The following UBIAD1 variants were observed in gnomAD, a reference collection of about 807,000 sequenced individuals.
UBIAD1 encodes UbiA prenyltransferase domain containing 1, also known as ubiA prenyltransferase domain-containing protein 1.
In UBIAD1, 12 loss-of-function variants were observed where a neutral mutation model predicts 20.1. The observed-to-expected ratio is 0.60, with a 90% CI of 0.38 to 0.97. The LOEUF (loss-of-function observed/expected upper bound fraction) is 0.97, where lower values mean the gene tolerates loss of function less well. Among genes scored for constraint, UBIAD1 ranks in the 50% least tolerant of loss-of-function variants. The pLI is 0.00. For synonymous variants in UBIAD1, 207 were observed against 189.2 expected (o/e 1.09, Z -0.77); for missense variants, 333 against 419.5 (o/e 0.79, Z 1.80).
chr1:11,292,598 C>T (rs1195143570), downstream of UBIAD1, among the ~76,000 whole-genome samples: 3 of 151,874 alleles, frequency 2.0e-5, no homozygotes, highest in Non-Finnish European at 4.4e-5. Flanking sequence ...TGATGTCAGA[C>T]TGTTGACTGT....
chr1:11,290,493 C>T (rs1206301828), downstream of UBIAD1, among the ~76,000 whole-genome samples: 1 of 152,230 alleles, frequency 6.6e-6, no homozygotes, highest in Non-Finnish European at 1.5e-5. Flanking sequence ...AGCACTACCA[C>T]TCTACCTATG....
downstream of UBIAD1, among the ~76,000 whole-genome samples, chr1:11,297,401 C>T (rs1638465551): frequency 6.6e-6 from 1 of 152,218 alleles, no homozygotes; most frequent in Admixed American, 6.5e-5. Flanking sequence ...TTGGACTTCT[C>T]AGCCCCCAGA....
downstream of UBIAD1, chr1:11,293,412 A>G (rs1457015120): frequency 3.9e-5 from 6 of 152,164 alleles, no homozygotes; most frequent in Non-Finnish European, 7.3e-5. Context: ...TTTATTGTCA[A>G]TTTCTCCCAG....
downstream of UBIAD1, among the ~76,000 whole-genome samples, chr1:11,291,863 T>A (rs923385268): frequency 6.6e-6 from 1 of 152,022 alleles, no homozygotes; most frequent in Non-Finnish European, 1.5e-5. Context: ...GAAGGCTGTC[T>A]TCGGGAAGAC....
At chr1:11,298,233 C>T (rs1228527872), downstream of UBIAD1, among the ~76,000 whole-genome samples, 2 of 151,980 alleles carry the variant, frequency 1.3e-5, no homozygotes, top group South Asian at 2.1e-4. This position sits in a 1 kb window ranked among gnomAD's most constrained non-coding sequence, Gnocchi z 4.0. Flanking sequence ...GTTGGGATTA[C>T]AGGCATGAGC....
At chr1:11,284,736 T>C (rs1638222277) in intron 1 of UBIAD1, among the ~76,000 whole-genome samples, 1 of 152,162 alleles carries the variant, frequency 6.6e-6, no homozygotes, top group Non-Finnish European at 1.5e-5. Context: ...AGTGCTGGGA[T>C]TACAGGTGTG....
At chr1:11,281,336 T>C (rs1254561710) in intron 1 of UBIAD1, among the ~76,000 whole-genome samples, 1 of 152,132 alleles carries the variant, frequency 6.6e-6, no homozygotes, top group East Asian at 1.9e-4. Context: ...TAATGTGCCA[T>C]ATAAAGTACT....
intron 1 of UBIAD1, among the ~76,000 whole-genome samples, chr1:11,280,083 A>C (rs1638622230): frequency 6.6e-6 from 1 of 152,224 alleles, no homozygotes; most frequent in Admixed American, 6.5e-5. Context: ...GTGGTGGTGA[A>C]GGGAAGAGGC....
Position 11,273,730 on chromosome 1 carries a change from C to T in UBIAD1, c.199C>T (p.Leu67=). The change falls in exon 1 of 2, where the codon CTG becomes TTG. Residue 67 remains leucine (L), a synonymous_variant. Transcript: ENST00000376810. This position sits in a 1 kb window ranked among gnomAD's most constrained non-coding sequence, Gnocchi z 4.9. The stretch of plus-strand genomic sequence containing the variant: ...CAGTGCCTCACTCACACCGGTGGCC[C>T]TGGGCAGTGCCCTTGCCTACAGATC... ...SFSASLTPVA[L]GSALAYRSHG... The T allele has an allele frequency of 1.2e-6, 2 of 1,614,148 alleles. No individual in the cohort carries two copies. Among genetic ancestry groups the T allele is most frequent in the Non-Finnish European group, 1.7e-6 (2 of 1,180,026 alleles).
chr1:11,283,611 A>G (rs1018714351), intron 1 of UBIAD1, among the ~76,000 whole-genome samples: 8 of 152,082 alleles, frequency 5.3e-5, no homozygotes, highest in South Asian at 2.1e-4. Flanking sequence ...GCCATGCCTT[A>G]ATGCCCTTCC....
chr1:11,282,629 C>G (rs961896314), intron 1 of UBIAD1, among the ~76,000 whole-genome samples: 1 of 149,784 alleles, frequency 6.7e-6, no homozygotes, highest in South Asian at 2.1e-4. Context: ...AATGGTGCGA[C>G]CTCTGCTCAC....
intron 1 of UBIAD1, among the ~76,000 whole-genome samples, chr1:11,283,609 T>C (rs1386476611): frequency 6.6e-6 from 1 of 152,100 alleles, no homozygotes; most frequent in African/African-American, 2.4e-5. Context: ...TGGCCATGCC[T>C]TAATGCCCTT....
At chr1:11,276,608 G>A (rs1431083515) in intron 1 of UBIAD1, among the ~76,000 whole-genome samples, 1 of 150,100 alleles carries the variant, frequency 6.7e-6, no homozygotes, top group Non-Finnish European at 1.5e-5. Context: ...AGGTTGCAGT[G>A]AGCTGAGATC....
downstream of UBIAD1, among the ~76,000 whole-genome samples, chr1:11,289,939 C>T (rs1457034646): frequency 6.6e-6 from 1 of 152,062 alleles, no homozygotes; most frequent in Non-Finnish European, 1.5e-5. Flanking sequence ...ACCATGTTGG[C>T]CAGGCTGGTC....
At position 11,286,491 on chromosome 1, in the gene UBIAD1, G is replaced by C; in HGVS notation, c.*360G>C. The C allele has an allele frequency of 5.9e-6, 2 of 339,632 alleles. No homozygotes were observed. The highest frequency in any genetic ancestry group is 2.6e-5 in the South Asian group (1 of 38,868). The allele number at this position is 339,632 out of a possible 1,614,324, so 21.0% of individuals were successfully genotyped here. A position where few individuals can be genotyped will look rare whatever the true frequency, so the allele number is the denominator to read the frequency against. On this transcript the variant is annotated 3_prime_UTR_variant, in exon 2 of 2. Coordinates refer to ENST00000376810, the MANE Select transcript of UBIAD1 (RefSeq NM_013319.3). The stretch of plus-strand genomic sequence containing the variant: ...CCAGACTTTGTAAAGGAGCTGCCCA[G>C]TTTGGCCTCCTGTCCCGAAAAGACC...
chr1:11,290,303 G>T (rs910239285), downstream of UBIAD1, among the ~76,000 whole-genome samples: 4 of 152,220 alleles, frequency 2.6e-5, no homozygotes, highest in African/African-American at 7.2e-5. Context: ...CAGAGCCAGG[G>T]ATTTTTGCTT....
rs754534104 is a variant in UBIAD1 at position 11,286,129 on chromosome 1, T to A, written c.1015T>A (p.Ter339LysextTer4). Residue 339 changes from the stop codon to lysine, a stop_lost, in exon 2 of 2, where the codon TAA (stop) becomes AAA (lysine). Transcript: ENST00000376810. ...ACCAGCAGGCAGTCTGCCCAAAATT[T>A]AAGGGGACAAGTAGCTCCCCCCACG... The part of the protein sequence containing the change: ...LAPAGSLPKI[*>K] 23 of 1,614,068 alleles carry A rather than the reference T, an allele frequency of 1.4e-5. No individual in the cohort carries two copies. Among genetic ancestry groups the A allele is most frequent in the Non-Finnish European group, 1.9e-5 (22 of 1,180,036 alleles).
chr1:11,276,272 G>A (rs1289917933), intron 1 of UBIAD1, among the ~76,000 whole-genome samples: 3 of 150,480 alleles, frequency 2.0e-5, no homozygotes, highest in African/African-American at 7.5e-5. Context: ...AGGGTTTGCT[G>A]ATGGATTGGA....
At chr1:11,282,170 T>G (rs1652261705) in intron 1 of UBIAD1, among the ~76,000 whole-genome samples, 1 of 152,180 alleles carries the variant, frequency 6.6e-6, no homozygotes, top group Admixed American at 6.6e-5. Context: ...GCCAAACTGT[T>G]TTCTGAAGTG....
Sources: allele counts gnomAD v4.1 joint callset (sites outside exome capture counted in the v4.1 genomes callset), GRCh38; gene constraint gnomAD v4.1.1; non-coding constraint Gnocchi (gnomAD v3.1); transcripts MANE v1.5; gene names NCBI Gene and HGNC (gene_info 2026-07-23, HGNC 2026-07-21).